Variants in TET2 observed in about 807,000 individuals in gnomAD.
TET2 encodes the protein methylcytosine dioxygenase TET2.
In TET2, 299 loss-of-function variants were observed where a neutral mutation model predicts 142.9. The observed-to-expected ratio is 2.09, with a 90% CI of 1.90 to 2.30. The LOEUF (loss-of-function observed/expected upper bound fraction) is 2.30. TET2 is among the 30% of genes most tolerant of loss of function. The pLI, the probability that TET2 is intolerant of heterozygous loss-of-function variation, is 0.00. For missense variants in TET2, 2,418 were observed against 2,378.0 expected (o/e 1.02, Z -0.35); for synonymous variants, 819 against 849.0 (o/e 0.96, Z 0.61).
At chr4:105,249,817 A>T (rs2110267495) in intron 6 of TET2, among the ~76,000 whole-genome samples, 1 of 152,342 alleles carries the variant, frequency 6.6e-6, no homozygotes. Context: ...ACTTTGTCAA[A>T]TGCCTGGTTT....
intron 1 of TET2, among the ~76,000 whole-genome samples, chr4:105,175,622 T>C (rs962502034): frequency 1.3e-5 from 2 of 151,712 alleles, no homozygotes; most frequent in Non-Finnish European, 2.9e-5. Context: ...ATGGGCATAC[T>C]AGAAAAAGAA....
intron 1 of TET2, among the ~76,000 whole-genome samples, chr4:105,175,835 C>T (rs1724755961): frequency 6.6e-6 from 1 of 151,998 alleles, no homozygotes. Context: ...GGAAAAAACA[C>T]CTATAGAGGA....
intron 1 of TET2, among the ~76,000 whole-genome samples, chr4:105,159,429 A>G (rs531936820): frequency 3.3e-5 from 5 of 151,884 alleles, no homozygotes; most frequent in Non-Finnish European, 5.9e-5. Context: ...CTAATTTTGT[A>G]TTTTTAGTAC....
At chr4:105,185,892 T>C (rs1174478533) in intron 1 of TET2, among the ~76,000 whole-genome samples, 1 of 152,172 alleles carries the variant, frequency 6.6e-6, no homozygotes, top group Non-Finnish European at 1.5e-5. Flanking sequence ...ATGCTCAAAA[T>C]GATTGCAACT....
Position 105,241,385 on chromosome 4 carries a change from A to AT in TET2, c.3456_3457insT (p.Ala1153CysfsTer4). 1 of 1,550,978 alleles carries AT rather than the reference A, an allele frequency of 6.4e-7. No homozygotes were observed. The highest frequency in any genetic ancestry group is 8.7e-7 in the Non-Finnish European group (1 of 1,146,754). ...AAGGTCCTTTTTATACCCATCTAGG[A>AT]GCAGGTCCTAATGTGGCAGCTATTA... is the stretch of plus-strand genomic sequence containing the variant. On this transcript the variant is annotated frameshift_variant, in exon 4 of 11. Coordinates refer to ENST00000380013, the MANE Select transcript of TET2 (RefSeq NM_001127208.3). LOFTEE classifies it high-confidence loss of function.
intron 4 of TET2, chr4:105,241,877 C>T (rs1729321075): frequency 8.0e-7 from 1 of 1,244,680 alleles, no homozygotes; most frequent in African/African-American, 1.6e-5. Context: ...TTTCTTTTAC[C>T]ATAAAAAGAG....
intron 2 of TET2, among the ~76,000 whole-genome samples, chr4:105,193,349 TAGAG>T (rs768331219): frequency 2.2e-4 from 34 of 152,058 alleles, no homozygotes; most frequent in African/African-American, 4.8e-4. Flanking sequence ...TGTTGGCAAA[TAGAG>T]AGAAGATGGG....
At chr4:105,209,093 A>ATATATG (rs1727007648) in intron 2 of TET2, among the ~76,000 whole-genome samples, 2 of 118,082 alleles carry the variant, frequency 1.7e-5, no homozygotes, top group Non-Finnish European at 3.4e-5. Context: ...ATATATATAT[A>ATATATG]TATATGTTTG....
In TET2 at chr4:105,243,630, C is replaced by A; in HGVS notation, c.3655C>A (p.His1219Asn). 1.3e-6 allele frequency: 2 copies of A among 1,551,556 alleles called. No individual in the cohort carries two copies. The highest frequency in any genetic ancestry group is 1.7e-6 in the Non-Finnish European group (2 of 1,146,934). ...LLCLVRERAGHTCEAAVIVIL... is the reference protein window; with the variant it reads ...LLCLVRERAGNTCEAAVIVIL... ...GTGTTTGGTGCGGGAGCGAGCTGGC[C>A]ACACCTGTGAGGCTGCAGTGATTGT... Residue 1219 changes from histidine (H) to asparagine (N), a missense_variant, in exon 6 of 11, where the codon CAC (histidine) becomes AAC (asparagine). By Grantham distance (68) the His-to-Asn change is moderately conservative. Coordinates refer to ENST00000380013, the MANE Select transcript of TET2 (RefSeq NM_001127208.3).
rs1731277342 is a variant in TET2 at position 105,277,484 on chromosome 4, G to GTTTAC, written c.*969_*973dup. ...AGGTACTGAGATGTTTAAAAAACAA[G>GTTTAC]TTTACTTTCATTTTAGAATGCAAAG... On this transcript the variant is annotated 3_prime_UTR_variant, in exon 11 of 11. Coordinates refer to ENST00000380013, the MANE Select transcript of TET2 (RefSeq NM_001127208.3). 8.8e-6 allele frequency: 2 copies of GTTTAC among 226,592 alleles called. No individual in the cohort carries two copies. Among genetic ancestry groups the GTTTAC allele is most frequent in the African/African-American group, 4.4e-5 (2 of 45,000 alleles). 14.0% of individuals were successfully genotyped at this position (226,592 alleles called of 1,614,324 possible). A position where few individuals can be genotyped will look rare whatever the true frequency, so the allele number is the denominator to read the frequency against.
At chr4:105,242,280 TTTTTG>T in intron 4 of TET2, 1 of 1,082,170 alleles carries the variant, frequency 9.2e-7, no homozygotes, top group Non-Finnish European at 1.1e-6. Context: ...TTTTGTTGTT[TTTTTG>T]TTTTGTTTTT....
intron 1 of TET2, among the ~76,000 whole-genome samples, chr4:105,178,728 T>A (rs1268113409): frequency 6.6e-6 from 1 of 152,136 alleles, no homozygotes; most frequent in Non-Finnish European, 1.5e-5. Context: ...GTAAAGTTTA[T>A]TAATGTTAAA....
Position 105,259,716 on chromosome 4 carries a change from G to T in TET2, c.3901G>T (p.Ala1301Ser). 1 of 1,551,054 alleles carries T rather than the reference G, an allele frequency of 6.4e-7. No individual in the cohort carries two copies. Among genetic ancestry groups the T allele is most frequent in the Non-Finnish European group, 8.7e-7 (1 of 1,146,564 alleles). Reference sequence around the variant, plus strand: ...CATGTACTACAATGGATGTAAGTTTGCCAGAAGCAAGATCCCAAGGAAGTT... The same window carrying T: ...CATGTACTACAATGGATGTAAGTTTTCCAGAAGCAAGATCCCAAGGAAGTT... ...WSMYYNGCKF[A>S]RSKIPRKFKL... Residue 1301 changes from alanine to serine, a missense_variant, in exon 7 of 11, where the codon GCC becomes TCC. Physicochemically the swap from Ala to Ser is moderately conservative, Grantham distance 99 (BLOSUM62 1). Transcript: ENST00000380013.
intron 8 of TET2, among the ~76,000 whole-genome samples, chr4:105,267,645 T>C (rs191706138): frequency 6.8e-6 from 1 of 147,750 alleles, no homozygotes; most frequent in African/African-American, 2.5e-5. Flanking sequence ...AAGATAAATA[T>C]AAAAATAAAA....
At chr4:105,163,848 A>AGTGT (rs1560716817) in intron 1 of TET2, among the ~76,000 whole-genome samples, 35 of 113,614 alleles carry the variant, frequency 3.1e-4, no homozygotes, top group Admixed American at 4.4e-4. Context: ...AGAGAGAGAG[A>AGTGT]GAGAGAGTGT....
At position 105,235,785 on chromosome 4, in the gene TET2, C is replaced by T. The variant is rs2110230117; in HGVS notation, c.1843C>T (p.Leu615Phe). 6.2e-7 allele frequency: 1 copy of T among 1,614,116 alleles called. No homozygotes were observed. The highest frequency in any genetic ancestry group is 1.1e-5 in the South Asian group (1 of 91,080). The change falls in exon 3 of 11, where the codon CTC (leucine) becomes TTC (phenylalanine). Residue 615 changes from leucine to phenylalanine, a missense_variant. Physicochemically the swap from Leu to Phe is conservative, Grantham distance 22. Coordinates refer to ENST00000380013, the MANE Select transcript of TET2 (RefSeq NM_001127208.3). ...TGGAAATTCCAACATGCCTGGGGGG[C>T]TCCCAAGGCAAGCTTACACCCAGAA... ...YTGNSNMPGG[L>F]PRQAYTQKTT...
At chr4:105,223,306 C>T (rs950145633) in intron 2 of TET2, among the ~76,000 whole-genome samples, 1 of 151,882 alleles carries the variant, frequency 6.6e-6, no homozygotes, top group Non-Finnish European at 1.5e-5. Context: ...ATTAATTTTG[C>T]TGTTGAAAAA....
At chr4:105,266,208 A>G (rs1730674080) in intron 8 of TET2, among the ~76,000 whole-genome samples, 1 of 152,204 alleles carries the variant, frequency 6.6e-6, no homozygotes, top group Admixed American at 6.5e-5. Context: ...AGAAGACTTC[A>G]TAATACTATT....
intron 2 of TET2, among the ~76,000 whole-genome samples, chr4:105,192,525 A>G (rs1291848345): frequency 6.6e-6 from 1 of 152,194 alleles, no homozygotes; most frequent in Non-Finnish European, 1.5e-5. Context: ...ATTGCCCAAC[A>G]TATAGTAAGT....
Sources: gnomAD v4.1 joint callset for allele counts (sites outside exome capture counted in the v4.1 genomes callset) on GRCh38, gnomAD v4.1.1 for gene constraint, MANE v1.5 for transcripts, NCBI Gene and HGNC (gene_info 2026-07-23, HGNC 2026-07-21) for gene names.